Variants in BIRC6 observed in about 807,000 individuals in gnomAD.
The protein encoded by BIRC6 is baculoviral IAP repeat containing 6, also known as dual E2 ubiquitin-conjugating enzyme/E3 ubiquitin-protein ligase BIRC6.
Under a neutral mutation model 503.3 loss-of-function variants are expected in BIRC6, and 98 were observed. The observed-to-expected ratio is 0.19, with a 90% confidence interval of 0.17 to 0.23. BIRC6 has a LOEUF of 0.23. BIRC6 is among the 10% of genes least tolerant of loss of function. BIRC6 has a pLI of 1.00. For missense variants in BIRC6, 5,360 were observed against 5,806.0 expected, an observed-to-expected ratio of 0.92 and a Z score of 2.50; for synonymous variants, 2,240 against 2,078.7, an observed-to-expected ratio of 1.08 and a Z score of -2.11.
intron 3 of BIRC6, among the ~76,000 whole-genome samples, chr2:32,383,490 C>T (rs191955152): frequency 1.3e-5 from 2 of 152,124 alleles, no homozygotes; most frequent in Admixed American, 1.3e-4. Flanking sequence ...CATGAACGAC[C>T]CATCTTCATT....
At chr2:32,372,419 C>T (rs984696568) in intron 1 of BIRC6, among the ~76,000 whole-genome samples, 1 of 152,164 alleles carries the variant, frequency 6.6e-6, no homozygotes, top group African/African-American at 2.4e-5. Flanking sequence ...ATGCTAGCTG[C>T]TTGCACTTAG....
intron 61 of BIRC6, among the ~76,000 whole-genome samples, chr2:32,535,974 C>G (rs1241625390): frequency 6.6e-6 from 1 of 152,178 alleles, no homozygotes; most frequent in Non-Finnish European, 1.5e-5. Context: ...CCTGTTGTTT[C>G]CTGACTTTTT....
chr2:32,361,498 A>G lies in BIRC6; in HGVS notation c.325+4012A>G, dbSNP rs1041090237. ...TTCTGCACCAGAGTGGTATGTTACCATCCGTGATCTTAGCACTAACAATCA... is the reference window on the plus strand; with the variant it reads ...TTCTGCACCAGAGTGGTATGTTACCGTCCGTGATCTTAGCACTAACAATCA... On this transcript the variant is annotated intron_variant, in intron 1 of 73. Coordinates refer to ENST00000421745, the MANE Select transcript of BIRC6 (RefSeq NM_016252.4). Among the ~76,000 whole-genome samples the G allele has an allele frequency of 7.2e-5, 11 of 152,286 alleles. No homozygotes were observed. The South Asian group carries it at 2.3e-3, about 32-fold the overall frequency.
intron 10 of BIRC6, among the ~76,000 whole-genome samples, chr2:32,424,704 T>C (rs1228614527): frequency 6.6e-6 from 1 of 151,882 alleles, no homozygotes. Flanking sequence ...GTAGAGACAC[T>C]ATTTCGCCAT....
chr2:32,603,911 A>G (rs1257810327), intron 71 of BIRC6, among the ~76,000 whole-genome samples: 2 of 151,690 alleles, frequency 1.3e-5, no homozygotes, highest in East Asian at 1.9e-4. Flanking sequence ...GTATGTTTTT[A>G]TGTTAATTAC....
At position 32,357,279 on chromosome 2, in the gene BIRC6, G is replaced by C. The variant is rs1246597140; in HGVS notation, c.118G>C (p.Gly40Arg). ...TGCGGCTGCGGCGGCCTCGGGCCCC[G>C]GCTGCTCCTCGGCGGCGGGGGCGGG... ...AAAAAAASGP[G>R]CSSAAGAGAA... Residue 40 changes from glycine (G) to arginine (R), a missense_variant, in exon 1 of 74, where the codon GGC becomes CGC. Gly to Arg is a moderately radical substitution (Grantham distance 125). Around this residue, in one of 16 missense-constraint regions of BIRC6, gnomAD observed 145 missense variants for 106.9 expected, o/e 1.36. Transcript: ENST00000421745. This position sits in a 1 kb window ranked among gnomAD's most constrained non-coding sequence, Gnocchi z 4.9. The C allele has an allele frequency of 1.4e-5, 22 of 1,524,266 alleles. No individual in the cohort carries two copies. The highest frequency in any genetic ancestry group is 1.8e-5 in the Non-Finnish European group (21 of 1,139,248). 94.4% of individuals were successfully genotyped at this position (1,524,266 alleles called of 1,614,324 possible).
chr2:32,401,140 T>A, intron 6 of BIRC6, 23 bp from the exon 7 acceptor site: 1 of 1,590,348 alleles, frequency 6.3e-7, no homozygotes, highest in Non-Finnish European at 8.6e-7. Context: ...TAGTAAACTT[T>A]TCCTTTCTAA....
chr2:32,445,614 T>C lies in BIRC6; in HGVS notation c.4430T>C (p.Val1477Ala). The C allele has an allele frequency of 6.2e-7, 1 of 1,607,118 alleles. No homozygotes were observed. The highest frequency in any genetic ancestry group is 1.1e-5 in the South Asian group (1 of 89,562). Residue 1477 changes from valine (V) to alanine (A), a missense_variant, in exon 21 of 74, where the codon GTG becomes GCG. Transcript: ENST00000421745. ...GCTTGTGCATCTTTGCTTACTGCAGTGTCCAGACAGTTACAGGACAGGCTA... is the reference window on the plus strand; with the variant it reads ...GCTTGTGCATCTTTGCTTACTGCAGCGTCCAGACAGTTACAGGACAGGCTA... ...STACASLLTA[V>A]SRQLQDRLTP... is the part of the protein sequence containing the mutation.
rs754232448 is a variant in BIRC6 at position 32,477,452 on chromosome 2, A to G, written c.6937A>G (p.Ser2313Gly). 6.2e-7 allele frequency: 1 copy of G among 1,614,040 alleles called. No homozygotes were observed. The highest frequency in any genetic ancestry group is 8.5e-7 in the Non-Finnish European group (1 of 1,179,886). The change falls in exon 35 of 74, where the codon AGT becomes GGT. Residue 2313 changes from serine (S) to glycine (G), a missense_variant. Around this residue, in one of 16 missense-constraint regions of BIRC6, gnomAD observed 2,299 missense variants for 2,267.2 expected, o/e 1.01. Coordinates refer to ENST00000421745, the MANE Select transcript of BIRC6 (RefSeq NM_016252.4). ...CACAGAAGTTACAACAGCAAAAGAA[A>G]GTCCTGAGATAGAACCACTTCCATT... ...LDTEVTTAKESPEIEPLPFTL... is the reference protein window; with the variant it reads ...LDTEVTTAKEGPEIEPLPFTL...
rs747538063 is a variant in BIRC6, at chr2:32,556,795, G to A, written c.13144+7314G>A. Among the ~76,000 whole-genome samples, 56 of 151,990 alleles carry A rather than the reference G, an allele frequency of 3.7e-4. 1 individual carries two copies. Among genetic ancestry groups the A allele is most frequent in the Non-Finnish European group, 2.5e-4 (17 of 67,988 alleles). On this transcript the variant is annotated intron_variant, in intron 65 of 73. Transcript: ENST00000421745. ...AAAACTAAAAATACAAAAATTAGCC[G>A]GGTGTGGTGGACGGGCACCTGTAGT... is the stretch of plus-strand genomic sequence containing the variant.
chr2:32,537,732 C>T (rs951496609), intron 61 of BIRC6, among the ~76,000 whole-genome samples: 12 of 152,018 alleles, frequency 7.9e-5, no homozygotes, highest in African/African-American at 1.9e-4. Flanking sequence ...TTTGGGAGGC[C>T]GAGGCGGGCG....
At chr2:32,517,053 G>A (rs573698939) in intron 55 of BIRC6, among the ~76,000 whole-genome samples, 5 of 152,144 alleles carry the variant, frequency 3.3e-5, no homozygotes, top group African/African-American at 4.8e-5. Context: ...AGGGCAGGTC[G>A]GGTGCTGTGG....
chr2:32,369,979 T>TATATGC (rs2035657177), intron 1 of BIRC6, among the ~76,000 whole-genome samples: 1 of 53,766 alleles, frequency 1.9e-5, no homozygotes. Flanking sequence ...TATATATATA[T>TATATGC]ATATATGTAT....
At chr2:32,586,071 TTTGA>T (rs1407668149) in intron 66 of BIRC6, among the ~76,000 whole-genome samples, 4 of 152,142 alleles carry the variant, frequency 2.6e-5, no homozygotes, top group Admixed American at 1.3e-4. Flanking sequence ...AGAAAGATAG[TTTGA>T]TTGACCCATA....
chr2:32,414,788 A>T lies in BIRC6; in HGVS notation c.1497A>T (p.Glu499Asp), dbSNP rs144517836. ...TTAAAGGGCATACATCACAGAAGGA[A>T]GCCATGGAAGTAAGCCTTGATATAA... ...DSVTGHTSQKEAMEVSLDITA... is the reference protein window; with the variant it reads ...DSVTGHTSQKDAMEVSLDITA... The change falls in exon 10 of 74, where the codon GAA (glutamate) becomes GAT (aspartate). Residue 499 changes from glutamate to aspartate, a missense_variant. Physicochemically the swap from Glu to Asp is conservative, Grantham distance 45 (BLOSUM62 2). This residue lies in a region of BIRC6 where 700 missense variants were observed against 739.3 expected (regional missense o/e 0.95). Transcript: ENST00000421745. 2.5e-5 allele frequency: 40 copies of T among 1,612,720 alleles called. No homozygotes were observed. The highest frequency in any genetic ancestry group is 3.4e-5 in the Non-Finnish European group (40 of 1,179,000).
chr2:32,461,027 CTT>C (rs1558789147), intron 23 of BIRC6, among the ~76,000 whole-genome samples: 78 of 73,908 alleles, frequency 1.1e-3, no homozygotes, highest in Admixed American at 2.1e-3. Flanking sequence ...CTTCTCTTCT[CTT>C]CTCTTCTCTT....
intron 23 of BIRC6, among the ~76,000 whole-genome samples, chr2:32,456,485 T>C (rs1184577631): frequency 6.6e-6 from 1 of 152,248 alleles, no homozygotes; most frequent in African/African-American, 2.4e-5. Flanking sequence ...TATATTTTTG[T>C]CTTGAATATG....
Position 32,512,921 on chromosome 2 carries a change from T to C in BIRC6, c.10347-12T>C. On this transcript the variant is annotated splice_polypyrimidine_tract_variant and intron_variant, in intron 53 of 73. Coordinates refer to ENST00000421745, the MANE Select transcript of BIRC6 (RefSeq NM_016252.4). ...TATAGTTGGTTATATGAATTCGTTT[T>C]CTTCGTTTAAGAATTCAGGCCTTGT... 3 of 1,612,272 alleles carry C rather than the reference T, an allele frequency of 1.9e-6. No homozygotes were observed. The highest frequency in any genetic ancestry group is 2.5e-6 in the Non-Finnish European group (3 of 1,178,498).
chr2:32,566,063 A>G (rs1475262690), intron 65 of BIRC6: 3 of 152,116 alleles, frequency 2.0e-5, no homozygotes, highest in Non-Finnish European at 4.4e-5. Context: ...ATGTTTACCC[A>G]AATAATCATT....
Sources: gnomAD v4.1 joint callset for allele counts (sites outside exome capture counted in the v4.1 genomes callset) on GRCh38, gnomAD v4.1.1 for gene constraint, gnomAD v4.1.1 regional missense constraint, Gnocchi (gnomAD v3.1) non-coding constraint, MANE v1.5 for transcripts, NCBI Gene and HGNC (gene_info 2026-07-23, HGNC 2026-07-21) for gene names.